Variants in NRG1 observed in about 807,000 individuals in gnomAD.
The protein encoded by NRG1 is neuregulin 1.
In NRG1, 18 loss-of-function variants were observed where a neutral mutation model predicts 63.8. The ratio of observed to expected loss-of-function variants is 0.28; its 90% CI spans 0.19 to 0.42. The LOEUF is 0.42. NRG1 is among the 10% of genes least tolerant of loss of function. The probability of loss-of-function intolerance (pLI) is 1.00; values close to 1 mark genes in which losing one functional copy is unlikely to be tolerated. For synonymous variants in NRG1, 302 were observed against 301.3 expected, an observed-to-expected ratio of 1.00 and a Z score of -0.02; for missense variants, 762 against 814.7, an observed-to-expected ratio of 0.94 and a Z score of 0.79.
At chr8:32,674,008 C>T (rs1392327966) in intron 5 of NRG1, among the ~76,000 whole-genome samples, 1 of 152,166 alleles carries the variant, frequency 6.6e-6, no homozygotes, top group Non-Finnish European at 1.5e-5. Flanking sequence ...TAATTTATTT[C>T]ACCTATGTCT....
intron 1 of NRG1, among the ~76,000 whole-genome samples, chr8:31,658,314 C>T (rs1412886603): frequency 1.3e-5 from 2 of 152,200 alleles, no homozygotes; most frequent in Non-Finnish European, 2.9e-5. Context: ...TTCTACCTCT[C>T]ACTCTGTACT....
exon 1 of NRG1, chr8:31,639,379 C>A: frequency 6.5e-7 from 1 of 1,534,540 alleles, no homozygotes; most frequent in Non-Finnish European, 8.7e-7. Flanking sequence ...GGGTCCCGCT[C>A]CGCTCCGGCA....
At position 32,742,672 on chromosome 8, in the gene NRG1, C is replaced by G; in HGVS notation, c.633-3C>G. On this transcript the variant is annotated splice_region_variant and splice_polypyrimidine_tract_variant and intron_variant, in intron 6 of 11. Coordinates refer to ENST00000356819, the Ensembl canonical transcript of NRG1. The surrounding 1 kb of genome is among the most constrained non-coding windows in gnomAD (Gnocchi z 4.2). Reference sequence around the variant, plus strand: ...ACCATTGTTTTTTTGTTTCTTCTCTCAGGTGCCCAAATGAGTTTACTGGTG... The same window carrying G: ...ACCATTGTTTTTTTGTTTCTTCTCTGAGGTGCCCAAATGAGTTTACTGGTG... 6.2e-7 allele frequency: 1 copy of G among 1,613,366 alleles called. No individual in the cohort carries two copies. Among genetic ancestry groups the G allele is most frequent in the Non-Finnish European group, 8.5e-7 (1 of 1,179,456 alleles).
chr8:32,312,643 G>A (rs781218269), intron 1 of NRG1, among the ~76,000 whole-genome samples: 3 of 151,948 alleles, frequency 2.0e-5, no homozygotes, highest in Non-Finnish European at 2.9e-5. Context: ...ACGAGAGACC[G>A]TCTTGCTCCG....
chr8:32,287,681 T>A (rs1403450735), intron 1 of NRG1: 1 of 152,218 alleles, frequency 6.6e-6, no homozygotes, highest in African/African-American at 2.4e-5. Flanking sequence ...GAACAGGGCA[T>A]TCCTCTGAAT....
chr8:32,262,503 C>A (rs571965463), intron 1 of NRG1, among the ~76,000 whole-genome samples: 2 of 152,238 alleles, frequency 1.3e-5, no homozygotes, highest in South Asian at 2.1e-4. Flanking sequence ...ACCGCAGACA[C>A]CTCATTTTAT....
intron 1 of NRG1, among the ~76,000 whole-genome samples, chr8:32,012,273 A>C (rs1475785215): frequency 6.6e-6 from 1 of 152,120 alleles, no homozygotes; most frequent in African/African-American, 2.4e-5. Flanking sequence ...TTTGCCAGCC[A>C]TGAAAAATGC....
intron 1 of NRG1, among the ~76,000 whole-genome samples, chr8:31,887,731 A>G (rs1335906314): frequency 6.6e-6 from 1 of 152,052 alleles, no homozygotes; most frequent in Non-Finnish European, 1.5e-5. Context: ...TAATGATAGG[A>G]GTCAAATATA....
At chr8:31,750,154 A>T (rs1179145048) in intron 1 of NRG1, among the ~76,000 whole-genome samples, 1 of 151,848 alleles carries the variant, frequency 6.6e-6, no homozygotes. Context: ...TCTCCTAAAC[A>T]TGAATTGGTT....
intron 1 of NRG1, among the ~76,000 whole-genome samples, chr8:32,348,108 C>T (rs10105593): frequency 0.52 from 78,659 of 151,984 alleles, 21,277 homozygotes; most frequent in Non-Finnish European, 0.61. Flanking sequence ...ACCAATTACT[C>T]TAGGGGTTTA....
intron 1 of NRG1, among the ~76,000 whole-genome samples, chr8:32,141,305 A>G (rs374483101): frequency 1.3e-5 from 2 of 152,012 alleles, no homozygotes; most frequent in South Asian, 2.1e-4. Context: ...TTTGGGCTCA[A>G]TGCAGATTTG....
At chr8:32,538,270 A>T (rs1832226634) in intron 1 of NRG1, among the ~76,000 whole-genome samples, 1 of 152,200 alleles carries the variant, frequency 6.6e-6, no homozygotes, top group South Asian at 2.1e-4. Flanking sequence ...ATCAAAAAAT[A>T]TCAACTATAT....
At chr8:32,016,572 G>A (rs1035032368) in intron 1 of NRG1, among the ~76,000 whole-genome samples, 3 of 152,068 alleles carry the variant, frequency 2.0e-5, no homozygotes, top group African/African-American at 7.2e-5. Flanking sequence ...GCAGGCATAT[G>A]TTACACAATG....
chr8:32,581,071 C>T lies in NRG1; in HGVS notation c.101-14757C>T, dbSNP rs182207414. ...AAGAAATTTAATTGGTTAATAAAGT[C>T]TCTATCTCTTGCCCCCTAACCAGAA... On this transcript the variant is annotated intron_variant, in intron 1 of 11. Transcript: ENST00000356819. Among the ~76,000 whole-genome samples the T allele has an allele frequency of 1.4e-4, 21 of 152,242 alleles. No homozygotes were observed. The East Asian group carries it at 3.7e-3, about 27-fold the overall frequency.
chr8:32,396,619 T>A (rs1266538552), intron 1 of NRG1, among the ~76,000 whole-genome samples: 1 of 152,076 alleles, frequency 6.6e-6, no homozygotes, highest in Non-Finnish European at 1.5e-5. Flanking sequence ...CGGTTCATTT[T>A]GTATTTTTAA....
intron 1 of NRG1, among the ~76,000 whole-genome samples, chr8:32,242,566 G>A (rs944366662): frequency 1.3e-5 from 2 of 152,172 alleles, no homozygotes; most frequent in East Asian, 1.9e-4. Flanking sequence ...CGGTGAAGAT[G>A]TGAAGGAGGG....
rs1554660617 is a variant in NRG1 at position 32,233,563 on chromosome 8, ATTTT to A, written c.38-362253_38-362250del. Among the ~76,000 whole-genome samples the A allele has an allele frequency of 1.9e-3, 131 of 67,232 alleles. 3 individuals carry two copies. Among genetic ancestry groups the A allele is most frequent in the African/African-American group, 9.6e-3 (122 of 12,734 alleles). 44.1% of individuals were successfully genotyped at this position (67,232 alleles called of 152,430 possible). On this transcript the variant is annotated intron_variant, in intron 1 of 10. Transcript: ENST00000519301. ...TATATATATATATATATATATATAT[ATTTT>A]TTTTTTTTTTTCTTTTGAAACGGTG...
chr8:31,866,237 C>T (rs1319523123), intron 1 of NRG1, among the ~76,000 whole-genome samples: 1 of 152,116 alleles, frequency 6.6e-6, no homozygotes, highest in African/African-American at 2.4e-5. Flanking sequence ...CATCCCACAG[C>T]CTTCTTCACA....
At chr8:32,594,380 A>G (rs4602844) in intron 1 of NRG1, among the ~76,000 whole-genome samples, 124,489 of 152,092 alleles carry the variant, frequency 0.82, 52,507 homozygotes, top group South Asian at 0.94. Flanking sequence ...AGGAAACAGA[A>G]TTGTGGAATT....
Sources: gnomAD v4.1 joint callset for allele counts (sites outside exome capture counted in the v4.1 genomes callset) on GRCh38, gnomAD v4.1.1 for gene constraint, Gnocchi (gnomAD v3.1) non-coding constraint, MANE v1.5 for transcripts, NCBI Gene and HGNC (gene_info 2026-07-23, HGNC 2026-07-21) for gene names.